Variants in C8A observed in about 807,000 individuals in gnomAD.
C8A encodes the protein complement C8 alpha chain.
In C8A, 67 loss-of-function variants were observed where a neutral mutation model predicts 65.3. That is an observed-to-expected ratio of 1.03 (90% confidence interval 0.84 to 1.26). C8A has a LOEUF of 1.26. Ranked by LOEUF, C8A falls within the 50% of genes most tolerant of loss-of-function variation. The pLI is 0.00. For synonymous variants in C8A, 290 were observed against 259.4 expected (o/e 1.12, Z -1.13); for missense variants, 781 against 723.9 (o/e 1.08, Z -0.90).
intron 6 of C8A, 134 bp downstream of exon 6, chr1:56,883,815 G>C: frequency 1.3e-6 from 1 of 744,550 alleles, no homozygotes; most frequent in South Asian, 1.8e-5. Flanking sequence ...TCTGATCAGT[G>C]GTAATCAGGT....
intron 1 of C8A, among the ~76,000 whole-genome samples, chr1:56,858,285 G>A (rs1408141671): frequency 6.6e-6 from 1 of 152,164 alleles, no homozygotes; most frequent in African/African-American, 2.4e-5. Context: ...CTTAGAGAGA[G>A]AAGGGGAGTA....
chr1:56,904,165 G>C (rs115359273), intron 7 of C8A, among the ~76,000 whole-genome samples: 4 of 152,048 alleles, frequency 2.6e-5, no homozygotes, highest in Non-Finnish European at 5.9e-5. Flanking sequence ...CTGGTTCTGC[G>C]TCCTGGCTTC....
At chr1:56,893,323 A>G (rs1644362980) in intron 7 of C8A, among the ~76,000 whole-genome samples, 1 of 152,202 alleles carries the variant, frequency 6.6e-6, no homozygotes, top group Non-Finnish European at 1.5e-5. Flanking sequence ...TAAGTACTAA[A>G]GCCATTTTGA....
Position 56,872,409 on chromosome 1 carries a change from A to G in C8A, c.172-2540A>G, listed in dbSNP as rs549906465. Among the ~76,000 whole-genome samples the G allele has an allele frequency of 1.2e-3, 178 of 152,320 alleles. 3 individuals carry two copies. In the South Asian group the frequency reaches 0.013, roughly 11 times the overall value. On this transcript the variant is annotated intron_variant, in intron 2 of 10. Transcript: ENST00000361249. Reference sequence around the variant, plus strand: ...AAAAAGTCTGAGATGCTTTCCTTCAAATAACATGTAACATTAGTTGATGAT... The same window carrying G: ...AAAAAGTCTGAGATGCTTTCCTTCAGATAACATGTAACATTAGTTGATGAT...
At position 56,866,190 on chromosome 1, in the gene C8A, T is replaced by C. The variant is rs577917898; in HGVS notation, c.78-1419T>C. 4.6e-5 allele frequency among the ~76,000 whole-genome samples: 7 copies of C among 152,342 alleles called. No homozygotes were observed. In the South Asian group the frequency reaches 1.0e-3, roughly 23 times the overall value. ...CATAGATTTCAACCAAATCAATATA[T>C]AGCAACAGATTGGATGAAGAAGCAG... On this transcript the variant is annotated intron_variant, in intron 1 of 10. Coordinates refer to ENST00000361249, the MANE Select transcript of C8A (RefSeq NM_000562.3).
chr1:56,873,595 C>A (rs1275401585), intron 2 of C8A, among the ~76,000 whole-genome samples: 1 of 152,134 alleles, frequency 6.6e-6, no homozygotes, highest in Non-Finnish European at 1.5e-5. Flanking sequence ...CACAAAGTAC[C>A]AGACACTGAT....
Position 56,917,905 on chromosome 1 carries a change from T to C in C8A, c.*189T>C. ...CTATTCTATTAGTTACAAAACTCAA[T>C]CATTTTATTCAGCAACTGGATGTTG... On this transcript the variant is annotated 3_prime_UTR_variant, in exon 11 of 11. Transcript: ENST00000361249. 2 of 624,024 alleles carry C rather than the reference T, an allele frequency of 3.2e-6. No individual in the cohort carries two copies. Among genetic ancestry groups the C allele is most frequent in the Non-Finnish European group, 2.8e-6 (1 of 355,786 alleles). The allele number at this position is 624,024 out of a possible 1,614,324, so 38.7% of individuals were successfully genotyped here.
chr1:56,912,695 T>C, intron 10 of C8A, 70 bp downstream of exon 10: 2 of 1,449,970 alleles, frequency 1.4e-6, no homozygotes, highest in South Asian at 1.2e-5. Context: ...AAAAGGACTT[T>C]TGGGGTTCCC....
At chr1:56,856,547 G>T (rs1643977861) in intron 1 of C8A, among the ~76,000 whole-genome samples, 1 of 152,058 alleles carries the variant, frequency 6.6e-6, no homozygotes, top group Non-Finnish European at 1.5e-5. Flanking sequence ...ATCAGTCAGA[G>T]ATTTTAAACT....
At chr1:56,897,701 C>T (rs1644396671) in intron 7 of C8A, among the ~76,000 whole-genome samples, 1 of 152,204 alleles carries the variant, frequency 6.6e-6, no homozygotes, top group Non-Finnish European at 1.5e-5. Context: ...TTATAACTCC[C>T]TTTCAGGAAG....
chr1:56,882,480 C>T (rs1292594324), intron 5 of C8A, among the ~76,000 whole-genome samples: 1 of 152,038 alleles, frequency 6.6e-6, no homozygotes, highest in Admixed American at 6.6e-5. Flanking sequence ...AAGACAAGAC[C>T]CAAACCTAGA....
chr1:56,903,002 T>A lies in C8A; in HGVS notation c.1097-3665T>A, dbSNP rs1056630745. Among the ~76,000 whole-genome samples, 4 of 152,178 alleles carry A rather than the reference T, an allele frequency of 2.6e-5. No individual in the cohort carries two copies. In the South Asian group the frequency reaches 8.3e-4, roughly 32 times the overall value. ...ACCCTGGTTTCATTACCCTACTGAG[T>A]GGGGAGTAATCTAAAACTCTAAGGC... On this transcript the variant is annotated intron_variant, in intron 7 of 10. Coordinates refer to ENST00000361249, the MANE Select transcript of C8A (RefSeq NM_000562.3).
chr1:56,876,437 C>T (rs1471991368), intron 4 of C8A, among the ~76,000 whole-genome samples: 2 of 151,672 alleles, frequency 1.3e-5, no homozygotes, highest in Non-Finnish European at 2.9e-5. Flanking sequence ...TTTAGTACAC[C>T]TACCCTACTG....
At chr1:56,855,269 C>A (rs1173487714) in intron 1 of C8A, among the ~76,000 whole-genome samples, 3 of 152,090 alleles carry the variant, frequency 2.0e-5, no homozygotes, top group Non-Finnish European at 4.4e-5. Context: ...AATAATAATA[C>A]CTCTTCTATA....
intron 6 of C8A, among the ~76,000 whole-genome samples, chr1:56,885,012 G>A (rs1232674202): frequency 6.6e-6 from 1 of 151,954 alleles, no homozygotes; most frequent in Non-Finnish European, 1.5e-5. Context: ...GTTTCACAAT[G>A]CAGTGCTTTG....
In C8A at chr1:56,876,172, T is replaced by C; in HGVS notation, c.427T>C (p.Tyr143His). 2 of 1,613,850 alleles carry C rather than the reference T, an allele frequency of 1.2e-6. No individual in the cohort carries two copies. Among genetic ancestry groups the C allele is most frequent in the Non-Finnish European group, 1.7e-6 (2 of 1,179,862 alleles). ...VRAIDEDCSQYEPIPGSQKAA... is the reference protein window; with the variant it reads ...VRAIDEDCSQHEPIPGSQKAA... ...GGCCATTGACGAAGACTGCAGCCAG[T>C]ATGAACCAATTCCAGGATCACAGAA... Residue 143 changes from tyrosine to histidine, a missense_variant, in exon 4 of 11, where the codon TAT becomes CAT. Tyr to His is a moderately conservative substitution (Grantham distance 83). Coordinates refer to ENST00000361249, the MANE Select transcript of C8A (RefSeq NM_000562.3).
intron 1 of C8A, among the ~76,000 whole-genome samples, chr1:56,859,489 C>T (rs1004707612): frequency 1.3e-5 from 2 of 152,092 alleles, no homozygotes; most frequent in Admixed American, 1.3e-4. Flanking sequence ...AAGGTTTGGC[C>T]AGATGAATGA....
At chr1:56,863,386 A>C (rs932873254) in intron 1 of C8A, among the ~76,000 whole-genome samples, 1 of 152,198 alleles carries the variant, frequency 6.6e-6, no homozygotes, top group East Asian at 1.9e-4. Flanking sequence ...TAGCATTAGC[A>C]TGTATGCCTC....
chr1:56,867,645 C>T lies in C8A; in HGVS notation c.114C>T (p.Thr38=). The change falls in exon 2 of 11, where the codon ACC becomes ACT. Residue 38 remains threonine, a synonymous_variant. Transcript: ENST00000361249. ...VRRAATPAAV[T]CQLSNWSEWT... Reference sequence around the variant, plus strand: ...GGGCAGCTACACCCGCAGCAGTTACCTGCCAGCTGAGCAACTGGTCAGAGT... The same window carrying T: ...GGGCAGCTACACCCGCAGCAGTTACTTGCCAGCTGAGCAACTGGTCAGAGT... 6.2e-7 allele frequency: 1 copy of T among 1,613,926 alleles called. No homozygotes were observed. Among genetic ancestry groups the T allele is most frequent in the Non-Finnish European group, 8.5e-7 (1 of 1,179,900 alleles).
Sources: gnomAD v4.1 joint callset for allele counts (sites outside exome capture counted in the v4.1 genomes callset) on GRCh38, gnomAD v4.1.1 for gene constraint, MANE v1.5 for transcripts, NCBI Gene and HGNC (gene_info 2026-07-23, HGNC 2026-07-21) for gene names.